The following AFAP1 variants were observed in gnomAD, a reference collection of about 807,000 sequenced individuals.
AFAP1 encodes the protein actin filament-associated protein 1.
In AFAP1, 75 loss-of-function variants were observed where a neutral mutation model predicts 93.9. The observed-to-expected ratio is 0.80, with a 90% CI of 0.66 to 0.97. The LOEUF is 0.97. AFAP1 is among the 50% of genes least tolerant of loss of function. The pLI is 0.00. For synonymous variants in AFAP1, 517 were observed against 430.7 expected (o/e 1.20, Z -2.48); for missense variants, 1,201 against 1,050.8 (o/e 1.14, Z -1.98).
At chr4:7,782,644 T>TA (rs1452066062) in intron 12 of AFAP1, among the ~76,000 whole-genome samples, 2 of 152,236 alleles carry the variant, frequency 1.3e-5, no homozygotes, top group African/African-American at 2.4e-5. Context: ...AAGGTCTTTA[T>TA]AAATCGCCTG....
intron 1 of AFAP1, among the ~76,000 whole-genome samples, chr4:7,914,915 T>G (rs1281732398): frequency 6.6e-6 from 1 of 152,024 alleles, no homozygotes. Flanking sequence ...ACCCAGCAAA[T>G]TTTTGTATTT....
At chr4:7,825,389 G>A (rs914767321) in intron 6 of AFAP1, among the ~76,000 whole-genome samples, 6 of 152,068 alleles carry the variant, frequency 3.9e-5, no homozygotes, top group Non-Finnish European at 8.8e-5. Flanking sequence ...CCTTTACAAG[G>A]TGAAATAAAG....
At chr4:7,788,835 C>T (rs1214761462) in intron 11 of AFAP1, 1 of 152,260 alleles carries the variant, frequency 6.6e-6, no homozygotes, top group African/African-American at 2.4e-5. Context: ...GGGTCTTTCT[C>T]CTTCCAGCGG....
intron 1 of AFAP1, among the ~76,000 whole-genome samples, chr4:7,915,326 A>C (rs13139805): frequency 0.54 from 82,205 of 151,374 alleles, 24,573 homozygotes; most frequent in East Asian, 0.83. Flanking sequence ...TTTTTTCCAC[A>C]TATTTTTTGG....
chr4:7,763,821 C>G, intron 17 of AFAP1, 30 bp from the exon 18 acceptor site: 1 of 1,551,288 alleles, frequency 6.4e-7, no homozygotes, highest in Non-Finnish European at 8.7e-7. Context: ...TGTAAGTGGA[C>G]AGGGCAAGAG....
intron 11 of AFAP1, 31 bp from the exon 12 acceptor site, chr4:7,786,342 A>C (rs368397497): frequency 6.4e-7 from 1 of 1,564,406 alleles, no homozygotes; most frequent in Non-Finnish European, 8.8e-7. Flanking sequence ...TAAAATCCAT[A>C]ACCTGACCAC....
At chr4:7,812,926 G>A (rs562985179) in intron 8 of AFAP1, among the ~76,000 whole-genome samples, 2 of 152,212 alleles carry the variant, frequency 1.3e-5, no homozygotes, top group East Asian at 3.9e-4. Flanking sequence ...TGGGGCTGAG[G>A]AGCCTCACAG....
Position 7,761,618 on chromosome 4 carries a change from A to C in AFAP1, c.*2147T>G, listed in dbSNP as rs1713815037. 6.6e-6 allele frequency: 1 copy of C among 152,202 alleles called. No individual in the cohort carries two copies. Among genetic ancestry groups the C allele is most frequent in the African/African-American group, 2.4e-5 (1 of 41,422 alleles). The allele number at this position is 152,202 out of a possible 1,614,324, so 9.4% of individuals were successfully genotyped here. A position where few individuals can be genotyped will look rare whatever the true frequency, so the allele number is the denominator to read the frequency against. On this transcript the variant is annotated 3_prime_UTR_variant, in exon 18 of 18. Coordinates refer to ENST00000420658, the MANE Select transcript of AFAP1 (RefSeq NM_001134647.2). ...CCATCTCCCCCTTCTCTTACTAACC[A>C]CCAAAACCTCACACAGTTCTCTTTG...
At chr4:7,786,459 A>G in intron 11 of AFAP1, 148 bp from the exon 12 acceptor site, 1 of 694,346 alleles carries the variant, frequency 1.4e-6, no homozygotes, top group Non-Finnish European at 2.5e-6. Flanking sequence ...TCTCGGCAGA[A>G]ATGAGATGAT....
At chr4:7,824,570 C>T (rs539332127) in intron 6 of AFAP1, among the ~76,000 whole-genome samples, 1 of 152,184 alleles carries the variant, frequency 6.6e-6, no homozygotes, top group African/African-American at 2.4e-5. Flanking sequence ...ACACAGTTCT[C>T]ATGGTTTTTT....
chr4:7,930,485 A>G (rs1267597762), intron 1 of AFAP1, among the ~76,000 whole-genome samples: 1 of 152,094 alleles, frequency 6.6e-6, no homozygotes, highest in Non-Finnish European at 1.5e-5. Context: ...CTTTAATCAT[A>G]CCTCGGTCTT....
At chr4:7,797,152 T>C (rs1287161508) in intron 10 of AFAP1, among the ~76,000 whole-genome samples, 1 of 152,052 alleles carries the variant, frequency 6.6e-6, no homozygotes, top group Non-Finnish European at 1.5e-5. Context: ...TAAAGGAAAA[T>C]GGTCTCGCAG....
chr4:7,877,311 T>G (rs1055253451), intron 1 of AFAP1, among the ~76,000 whole-genome samples: 2 of 152,232 alleles, frequency 1.3e-5, no homozygotes, highest in African/African-American at 4.8e-5. Flanking sequence ...TGTGCTGGCA[T>G]CTACATAAAA....
At chr4:7,871,130 G>C (rs573113981) in intron 2 of AFAP1, among the ~76,000 whole-genome samples, 1 of 152,274 alleles carries the variant, frequency 6.6e-6, no homozygotes, top group African/African-American at 2.4e-5. Flanking sequence ...CTCCACAGCA[G>C]CACTTAGCAG....
At chr4:7,864,117 C>G (rs62289328) in intron 3 of AFAP1, among the ~76,000 whole-genome samples, 100 of 2,782 alleles carry the variant, frequency 0.036, no homozygotes, top group Middle Eastern at 0.17. Flanking sequence ...CCATCACAAC[C>G]CATTCCCAAC....
intron 1 of AFAP1, among the ~76,000 whole-genome samples, chr4:7,933,370 C>T (rs1029041034): frequency 6.6e-6 from 1 of 152,104 alleles, no homozygotes; most frequent in Non-Finnish European, 1.5e-5. Context: ...GTCAAGAGAT[C>T]GAGACCATCC....
At chr4:7,912,090 T>C (rs774020258) in intron 1 of AFAP1, among the ~76,000 whole-genome samples, 3 of 152,162 alleles carry the variant, frequency 2.0e-5, no homozygotes, top group Non-Finnish European at 2.9e-5. Context: ...AAAAGGGTAT[T>C]ATGCATGATG....
chr4:7,907,341 A>G (rs543321093), intron 1 of AFAP1, among the ~76,000 whole-genome samples: 2 of 152,342 alleles, frequency 1.3e-5, no homozygotes, highest in South Asian at 2.1e-4. Context: ...GTAAATGTTG[A>G]CTAACAATTT....
chr4:7,831,005 G>A (rs192894899), intron 6 of AFAP1, among the ~76,000 whole-genome samples: 1 of 152,260 alleles, frequency 6.6e-6, no homozygotes, highest in African/African-American at 2.4e-5. Flanking sequence ...AATTCTATCT[G>A]TAGCATTTTA....
Sources: allele counts gnomAD v4.1 joint callset (sites outside exome capture counted in the v4.1 genomes callset), GRCh38; gene constraint gnomAD v4.1.1; transcripts MANE v1.5; gene names NCBI Gene and HGNC (gene_info 2026-07-23, HGNC 2026-07-21).